The following PRH1 variants were observed in gnomAD, a reference collection of about 807,000 sequenced individuals.
PRH1 encodes the protein salivary acidic proline-rich phosphoprotein 1/2.
A neutral mutation model predicts 7.9 loss-of-function variants in PRH1; 7 were observed. That is an observed-to-expected ratio of 0.89 (90% CI 0.50 to 1.67). The LOEUF is 1.67. Among genes scored for constraint, PRH1 ranks in the 40% most tolerant of loss-of-function variants. The pLI is 0.00. For missense variants in PRH1, 109 were observed against 223.6 expected, an observed-to-expected ratio of 0.49 and a Z score of 3.27; for synonymous variants, 45 against 80.8, an observed-to-expected ratio of 0.56 and a Z score of 2.38.
chr12:10,996,676 A>G (rs1301763301), intron 1 of PRH1: 1 of 255,028 alleles, frequency 3.9e-6, no homozygotes, highest in Non-Finnish European at 7.2e-6. Context: ...CTACTTTGGT[A>G]TAACTGAACA....
chr12:10,980,382 AT>A (rs1939297163), intron 1 of PRH1, among the ~76,000 whole-genome samples: 1 of 152,102 alleles, frequency 6.6e-6, no homozygotes, highest in Non-Finnish European at 1.5e-5. Context: ...TTACATTGCT[AT>A]TTTAAATAAA....
chr12:11,149,365 A>G (rs1946986958), intron 1 of PRH1, among the ~76,000 whole-genome samples: 1 of 152,158 alleles, frequency 6.6e-6, no homozygotes. Context: ...CGCCAAGTCA[A>G]TCCTAAGCCA....
chr12:11,124,592 TTGC>T (rs35510387), intron 1 of PRH1, among the ~76,000 whole-genome samples: 358 of 152,392 alleles, frequency 2.3e-3, no homozygotes, highest in Non-Finnish European at 3.4e-3. Flanking sequence ...GACTTGAACT[TTGC>T]TGTTTACTAA....
chr12:11,155,655 T>C (rs1358803703), intron 1 of PRH1, among the ~76,000 whole-genome samples: 4 of 152,218 alleles, frequency 2.6e-5, no homozygotes, highest in African/African-American at 9.6e-5. Context: ...GTTGATAAAA[T>C]GTATCCACTT....
Position 11,045,732 on chromosome 12 carries a change from T to C in PRH1, c.-126+1288A>G, listed in dbSNP as rs556478269. On this transcript the variant is annotated intron_variant, in intron 1 of 3. Transcript: ENST00000539853. ...GAAAAACTCCACATATTGACAGTAA[T>C]TATTTTCTCTAGCCTATCAGCTTAA... Among the ~76,000 whole-genome samples, 5 of 152,260 alleles carry C rather than the reference T, an allele frequency of 3.3e-5. No individual in the cohort carries two copies. In the South Asian group the frequency reaches 1.0e-3, roughly 32 times the overall value.
At chr12:10,895,202 T>C (rs1483075224) in intron 2 of PRH1, 2 of 152,194 alleles carry the variant, frequency 1.3e-5, no homozygotes, top group Non-Finnish European at 2.9e-5. Flanking sequence ...AGGTTTTACA[T>C]GGGCTTCTGT....
intron 1 of PRH1, among the ~76,000 whole-genome samples, chr12:11,162,504 T>C (rs781599251): frequency 1.3e-5 from 2 of 152,198 alleles, no homozygotes; most frequent in Non-Finnish European, 2.9e-5. Flanking sequence ...CCCTGAACTT[T>C]AAGCTGATGT....
At chr12:10,996,857 C>G (rs1940270775) in intron 1 of PRH1, 1 of 1,334,384 alleles carries the variant, frequency 7.5e-7, no homozygotes, top group East Asian at 2.4e-5. Context: ...AATACATAGA[C>G]TACGGAAAAA....
At chr12:10,966,056 T>A (rs758900923) in intron 2 of PRH1, among the ~76,000 whole-genome samples, 11 of 152,052 alleles carry the variant, frequency 7.2e-5, no homozygotes, top group Non-Finnish European at 1.3e-4. Context: ...AAAAATGAAC[T>A]TTTAAAATAA....
intron 2 of PRH1, among the ~76,000 whole-genome samples, chr12:10,939,520 T>C (rs377536957): frequency 3.3e-5 from 5 of 150,756 alleles, no homozygotes. Context: ...AACATGCAAA[T>C]AAGGACATAT....
At chr12:11,043,349 G>A (rs1244969647) in intron 1 of PRH1, among the ~76,000 whole-genome samples, 1 of 152,078 alleles carries the variant, frequency 6.6e-6, no homozygotes, top group Non-Finnish European at 1.5e-5. Context: ...ACTGAATTGG[G>A]AAAAACTAAA....
chr12:11,116,665 A>G (rs974247746), downstream of PRH1, among the ~76,000 whole-genome samples: 11 of 152,130 alleles, frequency 7.2e-5, no homozygotes, highest in Non-Finnish European at 1.2e-4. Flanking sequence ...TATTGATTCC[A>G]AAGTCTCAAT....
chr12:11,020,841 G>C (rs1941584464), intron 1 of PRH1, among the ~76,000 whole-genome samples: 1 of 150,646 alleles, frequency 6.6e-6, no homozygotes, highest in Non-Finnish European at 1.5e-5. Context: ...AGGGGCTCAA[G>C]GTGGCTAAGA....
chr12:10,910,906 A>T (rs955619307), intron 2 of PRH1, among the ~76,000 whole-genome samples: 1 of 152,192 alleles, frequency 6.6e-6, no homozygotes, highest in African/African-American at 2.4e-5. Flanking sequence ...AGTACTAAAA[A>T]ATTTACAAAA....
downstream of PRH1, among the ~76,000 whole-genome samples, chr12:11,117,807 G>A (rs2600348): frequency 0.46 from 69,211 of 151,938 alleles, 16,570 homozygotes; most frequent in Non-Finnish European, 0.53. Flanking sequence ...TGCCAAGAAC[G>A]TACACTGGAA....
intron 1 of PRH1, among the ~76,000 whole-genome samples, chr12:11,016,691 C>T (rs1941313511): frequency 6.6e-6 from 1 of 152,224 alleles, no homozygotes; most frequent in Non-Finnish European, 1.5e-5. Flanking sequence ...TGACTCATGT[C>T]CATCCCAAGG....
At chr12:11,068,820 T>G (rs1416704436) in intron 1 of PRH1, among the ~76,000 whole-genome samples, 1 of 152,222 alleles carries the variant, frequency 6.6e-6, no homozygotes, top group African/African-American at 2.4e-5. Flanking sequence ...AATTAGATGG[T>G]GGGTCACCCT....
At chr12:11,168,774 G>A (rs1403217657) in intron 1 of PRH1, among the ~76,000 whole-genome samples, 4 of 152,124 alleles carry the variant, frequency 2.6e-5, no homozygotes, top group Admixed American at 6.5e-5. Context: ...GAAAGATTAC[G>A]ACTCCAAAAT....
intron 1 of PRH1, among the ~76,000 whole-genome samples, chr12:11,038,995 T>C (rs1942580464): frequency 6.6e-6 from 1 of 152,220 alleles, no homozygotes; most frequent in Non-Finnish European, 1.5e-5. Context: ...TTATGTCAAA[T>C]GACTTTGAAA....
Sources: gnomAD v4.1 joint callset for allele counts (sites outside exome capture counted in the v4.1 genomes callset) on GRCh38, gnomAD v4.1.1 for gene constraint, MANE v1.5 for transcripts, NCBI Gene and HGNC (gene_info 2026-07-23, HGNC 2026-07-21) for gene names.